Variants in MYL9 observed in about 807,000 individuals in gnomAD.
MYL9 encodes the protein myosin light chain 9, also known as myosin regulatory light polypeptide 9.
A neutral mutation model predicts 12.8 loss-of-function variants in MYL9; 7 were observed. The observed-to-expected ratio is 0.55, with a 90% CI of 0.31 to 1.03. MYL9 has a LOEUF of 1.03. MYL9 is among the 50% of genes least tolerant of loss of function. MYL9 has a pLI of 0.05. For synonymous variants in MYL9, 81 were observed against 87.8 expected (o/e 0.92, Z 0.43); for missense variants, 190 against 242.7 (o/e 0.78, Z 1.44).
At position 36,550,541 on chromosome 20, in the gene MYL9, G is replaced by C. The variant is rs551788256; in HGVS notation, c.*1292G>C. ...CGGACCCACCCCACCTGACCCCAGC[G>C]AGTGGACCCAGCTTGGTCCTGAGGC... is the stretch of plus-strand genomic sequence containing the variant. On this transcript the variant is annotated 3_prime_UTR_variant, in exon 4 of 4. Transcript: ENST00000279022. The C allele has an allele frequency of 6.5e-6, 1 of 152,896 alleles. No homozygotes were observed. Among genetic ancestry groups the C allele is most frequent in the Non-Finnish European group, 1.5e-5 (1 of 68,686 alleles). 9.5% of individuals were successfully genotyped at this position (152,896 alleles called of 1,614,324 possible).
chr20:36,545,299 C>T (rs926943953), intron 2 of MYL9, among the ~76,000 whole-genome samples: 4 of 151,884 alleles, frequency 2.6e-5, no homozygotes, highest in Non-Finnish European at 5.9e-5. Context: ...AGATCGAGAC[C>T]ATCCTGGCTA....
rs1569529838 is a variant in MYL9 at position 36,549,087 on chromosome 20, T to C, written c.357T>C (p.His119=). Residue 119 remains histidine (H), a synonymous_variant, in exon 4 of 4, where the codon CAT becomes CAC. Coordinates refer to ENST00000279022, the MANE Select transcript of MYL9 (RefSeq NM_006097.5). ...TGCCCCTGCCCGCAGGTTTCATCCA[T>C]GAGGACCACCTCCGGGAGCTGCTCA... ...CFDEEASGFI[H]EDHLRELLTT... The C allele has an allele frequency of 6.2e-6, 10 of 1,612,806 alleles. No homozygotes were observed. The highest frequency in any genetic ancestry group is 2.2e-5 in the East Asian group (1 of 44,882).
rs766167792 is a variant in MYL9, at chr20:36,548,141, C to G, written c.294C>G (p.Asp98Glu). 5.0e-6 allele frequency: 8 copies of G among 1,613,986 alleles called. No homozygotes were observed. Among genetic ancestry groups the G allele is most frequent in the Non-Finnish European group, 5.9e-6 (7 of 1,179,884 alleles). The part of the protein sequence containing the change: ...TMFGEKLNGT[D>E]PEDVIRNAFA... ...TTGGGGAGAAGCTGAACGGCACGGA[C>G]CCCGAGGATGTGATTCGCAACGCCT... Residue 98 changes from aspartate (D) to glutamate (E), a missense_variant, in exon 3 of 4, where the codon GAC becomes GAG. Transcript: ENST00000279022.
chr20:36,544,822 A>G, intron 1 of MYL9, 37 bp from the exon 2 acceptor site: 3 of 1,526,750 alleles, frequency 2.0e-6, no homozygotes, highest in Non-Finnish European at 2.7e-6. Flanking sequence ...CCTGGCCCAG[A>G]GTCACAGGGC....
intron 3 of MYL9, among the ~76,000 whole-genome samples, chr20:36,548,561 G>A (rs2147899106): frequency 6.6e-6 from 1 of 152,310 alleles, no homozygotes; most frequent in Admixed American, 6.5e-5. Context: ...GACATGTCAG[G>A]GTGATGATGG....
intron 1 of MYL9, among the ~76,000 whole-genome samples, 153 bp from the exon 2 acceptor site, chr20:36,544,706 T>C (rs1043737160): frequency 1.3e-5 from 2 of 152,090 alleles, no homozygotes; most frequent in South Asian, 4.1e-4. Context: ...CAGCCACACT[T>C]GTCTGCTTTT....
rs760015553 is a variant in MYL9, at chr20:36,548,060, G to A, written c.213G>A (p.Glu71=). The A allele has an allele frequency of 1.2e-6, 2 of 1,613,066 alleles. No individual in the cohort carries two copies. Among genetic ancestry groups the A allele is most frequent in the South Asian group, 1.1e-5 (1 of 91,000 alleles). The change falls in exon 3 of 4, where the codon GAG becomes GAA. Residue 71 remains glutamate, a synonymous_variant. Coordinates refer to ENST00000279022, the MANE Select transcript of MYL9 (RefSeq NM_006097.5). ...AGAACCCCACAGACGAATACCTGGA[G>A]GGCATGATGAGCGAGGCCCCGGGGC... ...LGKNPTDEYL[E]GMMSEAPGPI...
At chr20:36,543,833 A>G (rs909728454) in intron 1 of MYL9, among the ~76,000 whole-genome samples, 1 of 152,144 alleles carries the variant, frequency 6.6e-6, no homozygotes, top group Middle Eastern at 3.2e-3. Flanking sequence ...TGGAGAAGAA[A>G]GAGCACAGGG....
At chr20:36,545,825 C>T (rs1318992462) in intron 2 of MYL9, among the ~76,000 whole-genome samples, 3 of 152,050 alleles carry the variant, frequency 2.0e-5, no homozygotes, top group Non-Finnish European at 4.4e-5. Context: ...GAGGCTGAGG[C>T]AGGAGAATGG....
rs566575537 is a variant in MYL9 at position 36,542,443 on chromosome 20, G to C, written c.-27+882G>C. ...CCAGTCACATCCAGGCCAAGTATCA[G>C]TGCTGACCCCTGGTGTCTAGGGCAC... On this transcript the variant is annotated intron_variant, in intron 1 of 3. Coordinates refer to ENST00000279022, the MANE Select transcript of MYL9 (RefSeq NM_006097.5). Among the ~76,000 whole-genome samples the C allele has an allele frequency of 5.3e-5, 8 of 152,274 alleles. 1 individual carries two copies. In the South Asian group the frequency reaches 1.7e-3, roughly 32 times the overall value.
At position 36,548,178 on chromosome 20, in the gene MYL9, G is replaced by A. The variant is rs746166473; in HGVS notation, c.331G>A (p.Asp111Asn). The A allele has an allele frequency of 1.2e-6, 2 of 1,611,800 alleles. No homozygotes were observed. The highest frequency in any genetic ancestry group is 2.2e-5 in the East Asian group (1 of 44,832). Residue 111 changes from aspartate to asparagine, a missense_variant, in exon 3 of 4, where the codon GAC (aspartate) becomes AAC (asparagine). Asp to Asn is a conservative substitution (Grantham distance 23). Coordinates refer to ENST00000279022, the MANE Select transcript of MYL9 (RefSeq NM_006097.5). ...GATTCGCAACGCCTTTGCCTGCTTC[G>A]ACGAGGAAGCCTCAGGTCCGTGGCG... Reference protein sequence around the residue: ...DVIRNAFACFDEEASGFIHED... With the variant: ...DVIRNAFACFNEEASGFIHED...
In MYL9 at chr20:36,542,026, C is replaced by T. The variant is rs558563226; in HGVS notation, c.-27+465C>T. 5.9e-5 allele frequency among the ~76,000 whole-genome samples: 9 copies of T among 152,198 alleles called. No individual in the cohort carries two copies. The Middle Eastern group carries it at 0.01, about 173-fold the overall frequency. On this transcript the variant is annotated intron_variant, in intron 1 of 3. Coordinates refer to ENST00000279022, the MANE Select transcript of MYL9 (RefSeq NM_006097.5). ...CCACGCCCCCACAGCATCTGTGTCC[C>T]CTCCCCATCTCCCATCCCTACACCC...
At chr20:36,548,485 T>G (rs779238977) in intron 3 of MYL9, among the ~76,000 whole-genome samples, 1 of 152,222 alleles carries the variant, frequency 6.6e-6, no homozygotes, top group Non-Finnish European at 1.5e-5. Context: ...CAAGAAGGTA[T>G]AGAAACTGGC....
chr20:36,548,302 T>C (rs994550975), intron 3 of MYL9, 109 bp downstream of exon 3: 2 of 1,396,230 alleles, frequency 1.4e-6, no homozygotes, highest in African/African-American at 2.9e-5. Flanking sequence ...TCCCAGGTTC[T>C]GTCACCAGAA....
At chr20:36,541,865 G>A (rs753189238) in intron 1 of MYL9, among the ~76,000 whole-genome samples, 2 of 152,184 alleles carry the variant, frequency 1.3e-5, no homozygotes, top group Non-Finnish European at 2.9e-5. Context: ...AGGAGCTGGA[G>A]ATGCCAAGCC....
At chr20:36,545,354 G>T (rs1019477456) in intron 2 of MYL9, among the ~76,000 whole-genome samples, 20 of 151,904 alleles carry the variant, frequency 1.3e-4, no homozygotes, top group Non-Finnish European at 2.5e-4. Flanking sequence ...AAAATTAGCC[G>T]AGCGTGGTGG....
At chr20:36,542,377 T>G (rs1360294401) in intron 1 of MYL9, among the ~76,000 whole-genome samples, 2 of 152,180 alleles carry the variant, frequency 1.3e-5, no homozygotes, top group African/African-American at 4.8e-5. Context: ...GCCTTTTCTG[T>G]TATGGTGGGA....
At chr20:36,549,006 C>T in intron 3 of MYL9, 71 bp from the exon 4 acceptor site, 1 of 1,478,524 alleles carries the variant, frequency 6.8e-7, no homozygotes, top group East Asian at 2.3e-5. Context: ...TGCCAGGGGG[C>T]TGAGGGATGG....
intron 1 of MYL9, among the ~76,000 whole-genome samples, chr20:36,544,582 G>C (rs2038072567): frequency 6.6e-6 from 1 of 152,226 alleles, no homozygotes; most frequent in Non-Finnish European, 1.5e-5. Flanking sequence ...CACTGTTCCA[G>C]GAGCTCTCGG....
Sources: gnomAD v4.1 joint callset for allele counts (sites outside exome capture counted in the v4.1 genomes callset) on GRCh38, gnomAD v4.1.1 for gene constraint, MANE v1.5 for transcripts, NCBI Gene and HGNC (gene_info 2026-07-23, HGNC 2026-07-21) for gene names.